The following DYRK4 variants were observed in gnomAD, a reference collection of about 807,000 sequenced individuals.
DYRK4 encodes dual specificity tyrosine phosphorylation regulated kinase 4.
DYRK4 carries 64 observed loss-of-function variants against 68.3 expected under a neutral mutation model. The observed-to-expected ratio is 0.94, with a 90% confidence interval of 0.77 to 1.15. The LOEUF is 1.15. Among genes scored for constraint, DYRK4 ranks in the 50% most tolerant of loss-of-function variants. DYRK4 has a pLI of 0.00. For synonymous variants in DYRK4, 274 were observed against 289.9 expected (o/e 0.95, Z 0.56); for missense variants, 740 against 764.7 (o/e 0.97, Z 0.38).
chr12:4,585,033 G>A (rs991800530), intron 2 of DYRK4, among the ~76,000 whole-genome samples: 2 of 152,150 alleles, frequency 1.3e-5, no homozygotes, highest in Non-Finnish European at 2.9e-5. Context: ...CCTGGGTCAG[G>A]ACTTGAGACT....
In DYRK4 at chr12:4,613,821, C is replaced by T. The variant is rs1945258847; in HGVS notation, c.*68C>T. 6.4e-6 allele frequency: 9 copies of T among 1,401,430 alleles called. No homozygotes were observed. The highest frequency in any genetic ancestry group is 2.4e-5 in the East Asian group (1 of 41,298). The allele number at this position is 1,401,430 out of a possible 1,614,324, so 86.8% of individuals were successfully genotyped here. A position where few individuals can be genotyped will look rare whatever the true frequency, so the allele number is the denominator to read the frequency against. On this transcript the variant is annotated 3_prime_UTR_variant, in exon 15 of 15. Coordinates refer to ENST00000543431, the MANE Select transcript of DYRK4 (RefSeq NM_001394779.1). The surrounding 1 kb of genome is among the most constrained non-coding windows in gnomAD (Gnocchi z 4.0). ...GTATTAAGACAGCACTTATATTGTA[C>T]AATACTTCAGACTGTTTTTTTTAAA... is the stretch of plus-strand genomic sequence containing the variant.
rs761579374 is a variant in DYRK4, at chr12:4,613,722, A to G, written c.1874A>G (p.Lys625Arg). ...SPGQSKNFSLKNTNVLPPIV is the reference protein window; with the variant it reads ...SPGQSKNFSLRNTNVLPPIV ...GGACAGAGCAAAAACTTCTCCCTCAAGAACACAAACGTTTTACCCCCTATT... is the reference window on the plus strand; with the variant it reads ...GGACAGAGCAAAAACTTCTCCCTCAGGAACACAAACGTTTTACCCCCTATT... Residue 625 changes from lysine (K) to arginine (R), a missense_variant, in exon 15 of 15, where the codon AAG becomes AGG. Physicochemically the swap from Lys to Arg is conservative, Grantham distance 26. This residue lies in a region of DYRK4 where 614 missense variants were observed against 603.7 expected (regional missense o/e 1.02). Coordinates refer to ENST00000543431, the MANE Select transcript of DYRK4 (RefSeq NM_001394779.1). The surrounding 1 kb of genome is among the most constrained non-coding windows in gnomAD (Gnocchi z 4.0). 4.4e-6 allele frequency: 7 copies of G among 1,580,270 alleles called. No individual in the cohort carries two copies. Among genetic ancestry groups the G allele is most frequent in the Non-Finnish European group, 5.2e-6 (6 of 1,155,684 alleles).
intron 13 of DYRK4, among the ~76,000 whole-genome samples, chr12:4,611,250 A>G (rs893728544): frequency 6.6e-6 from 1 of 152,346 alleles, no homozygotes; most frequent in Admixed American, 6.5e-5. Context: ...GTAGGGGGTC[A>G]TGCTATTCAC....
In DYRK4 at chr12:4,591,450, A is replaced by T. The variant is rs752771384; in HGVS notation, c.463+152A>T. On this transcript the variant is annotated intron_variant, in intron 5 of 14. Transcript: ENST00000543431. This position sits in a 1 kb window ranked among gnomAD's most constrained non-coding sequence, Gnocchi z 4.1. ...GAGGAAAGTAGAAGTTAAGCGTTGA[A>T]CCTCTGACTGTGGTAGTATAAGCAA... The T allele has an allele frequency of 1.1e-4, 126 of 1,101,296 alleles. No individual in the cohort carries two copies. The highest frequency in any genetic ancestry group is 3.2e-4 in the Admixed American group (11 of 34,826). 68.2% of individuals were successfully genotyped at this position (1,101,296 alleles called of 1,614,324 possible).
chr12:4,590,370 G>A lies in DYRK4; in HGVS notation c.254G>A (p.Gly85Glu). ...TCACTCCCCTTTGTGGACACCAAGGGGAAGAAGAATACGGTAAGCTTCCCA... is the reference window on the plus strand; with the variant it reads ...TCACTCCCCTTTGTGGACACCAAGGAGAAGAAGAATACGGTAAGCTTCCCA... ...VTSLPFVDTK[G>E]KKNTVSFPHI... The change falls in exon 4 of 15, where the codon GGG becomes GAG. Residue 85 changes from glycine to glutamate, a missense_variant. By Grantham distance (98) the Gly-to-Glu change is moderately conservative (BLOSUM62 -2). Coordinates refer to ENST00000543431, the MANE Select transcript of DYRK4 (RefSeq NM_001394779.1). The A allele has an allele frequency of 6.5e-7, 1 of 1,535,720 alleles. No homozygotes were observed. Among genetic ancestry groups the A allele is most frequent in the Non-Finnish European group, 8.7e-7 (1 of 1,146,776 alleles).
chr12:4,600,102 A>G (rs1565540426), intron 10 of DYRK4, among the ~76,000 whole-genome samples: 1 of 152,150 alleles, frequency 6.6e-6, no homozygotes, highest in Admixed American at 6.5e-5. Flanking sequence ...GTTTGTTCCT[A>G]ATTCAAATTT....
At chr12:4,604,522 C>T (rs1409195367) in intron 10 of DYRK4, among the ~76,000 whole-genome samples, 1 of 152,226 alleles carries the variant, frequency 6.6e-6, no homozygotes, top group Non-Finnish European at 1.5e-5. Flanking sequence ...TTGATATGCT[C>T]CCTTTCTAAC....
chr12:4,599,191 T>C, intron 9 of DYRK4, 25 bp downstream of exon 9: 1 of 1,610,760 alleles, frequency 6.2e-7, no homozygotes, highest in Non-Finnish European at 8.5e-7. Context: ...CGTCCTGCCA[T>C]GGACACACTC....
intron 2 of DYRK4, among the ~76,000 whole-genome samples, chr12:4,586,482 G>A (rs557183451): frequency 7.4e-4 from 113 of 152,230 alleles, no homozygotes; most frequent in Non-Finnish European, 1.1e-3. Context: ...GAGCACACCC[G>A]CTTCCTTTTG....
chr12:4,613,311 C>T lies in DYRK4; in HGVS notation c.1667-204C>T, dbSNP rs549174119. ...TGAGAATGAGAATAAAGCCTGTTCT[C>T]CAGGGTCGCTGAAATGATCAGACGA... On this transcript the variant is annotated intron_variant, in intron 14 of 14. Transcript: ENST00000543431. The surrounding 1 kb of genome is among the most constrained non-coding windows in gnomAD (Gnocchi z 4.0). Among the ~76,000 whole-genome samples, 2 of 152,324 alleles carry T rather than the reference C, an allele frequency of 1.3e-5. No individual in the cohort carries two copies. Among genetic ancestry groups the T allele is most frequent in the African/African-American group, 4.8e-5 (2 of 41,574 alleles).
chr12:4,585,778 A>G (rs553396279), intron 2 of DYRK4, among the ~76,000 whole-genome samples: 15 of 152,380 alleles, frequency 9.8e-5, no homozygotes, highest in Non-Finnish European at 1.6e-4. Flanking sequence ...AAAGTATAAT[A>G]ATAATTTTTC....
chr12:4,591,334 C>T lies in DYRK4; in HGVS notation c.463+36C>T, dbSNP rs747067376. ...GGGGCAGTAGCAGGGTGGGGAGGTG[C>T]TTATGGAAGGTCGGGGTGTTAAGAG... On this transcript the variant is annotated intron_variant, in intron 5 of 14. Transcript: ENST00000543431. This position sits in a 1 kb window ranked among gnomAD's most constrained non-coding sequence, Gnocchi z 4.1. 2 of 1,608,176 alleles carry T rather than the reference C, an allele frequency of 1.2e-6. No homozygotes were observed. The highest frequency in any genetic ancestry group is 1.1e-5 in the South Asian group (1 of 90,100).
chr12:4,606,588 G>A (rs1363285878), intron 11 of DYRK4, among the ~76,000 whole-genome samples: 1 of 152,126 alleles, frequency 6.6e-6, no homozygotes, highest in Non-Finnish European at 1.5e-5. Context: ...TAAAATGAGG[G>A]GAGCAGAGAA....
In DYRK4 at chr12:4,613,087, G is replaced by A. The variant is rs961470297; in HGVS notation, c.1666+369G>A. Among the ~76,000 whole-genome samples, 1 of 151,744 alleles carries A rather than the reference G, an allele frequency of 6.6e-6. No homozygotes were observed. The highest frequency in any genetic ancestry group is 1.5e-5 in the Non-Finnish European group (1 of 67,976). ...TCCTCCTCCCTTTTTCATTAACTGC[G>A]TCCACCCCTTTATGCCCTATAATTA... On this transcript the variant is annotated intron_variant, in intron 14 of 14. Transcript: ENST00000543431. This position sits in a 1 kb window ranked among gnomAD's most constrained non-coding sequence, Gnocchi z 4.0.
At chr12:4,572,946 A>G (rs1944747455) in intron 2 of DYRK4, 2 of 240,740 alleles carry the variant, frequency 8.3e-6, no homozygotes, top group South Asian at 9.9e-5. Context: ...TCTCATCAGC[A>G]CTTCCTATAC....
Position 4,599,749 on chromosome 12 carries a change from G to C in DYRK4, c.1087G>C (p.Val363Leu). The change falls in exon 10 of 15, where the codon GTC becomes CTC. Residue 363 changes from valine (V) to leucine (L), a missense_variant. By Grantham distance (32) the Val-to-Leu change is conservative. This residue lies in a region of DYRK4 where 614 missense variants were observed against 603.7 expected (regional missense o/e 1.02). Transcript: ENST00000543431. ...CCAAAAGGGCCAAGCCTCTGTTAAA[G>C]TCATTGACTTTGGATCAAGCTGTTA... ...LYQKGQASVKVIDFGSSCYEH... is the reference protein window; with the variant it reads ...LYQKGQASVKLIDFGSSCYEH... 1 of 1,614,154 alleles carries C rather than the reference G, an allele frequency of 6.2e-7. No homozygotes were observed. Among genetic ancestry groups the C allele is most frequent in the Non-Finnish European group, 8.5e-7 (1 of 1,179,996 alleles).
intron 10 of DYRK4, chr12:4,603,485 C>T (rs1480301120): frequency 1.5e-5 from 4 of 275,100 alleles, no homozygotes; most frequent in Non-Finnish European, 2.1e-5. Flanking sequence ...CCTCTGTTTC[C>T]CTCCTGTCTG....
At position 4,591,460 on chromosome 12, in the gene DYRK4, G is replaced by A; in HGVS notation, c.463+162G>A. On this transcript the variant is annotated intron_variant, in intron 5 of 14. Transcript: ENST00000543431. This position sits in a 1 kb window ranked among gnomAD's most constrained non-coding sequence, Gnocchi z 4.1. ...GAAGTTAAGCGTTGAACCTCTGACT[G>A]TGGTAGTATAAGCAAGAGGCTGAAT... 9.7e-7 allele frequency: 1 copy of A among 1,027,932 alleles called. No individual in the cohort carries two copies. The highest frequency in any genetic ancestry group is 1.4e-6 in the Non-Finnish European group (1 of 727,984). The allele number at this position is 1,027,932 out of a possible 1,614,324, so 63.7% of individuals were successfully genotyped here. A position where few individuals can be genotyped will look rare whatever the true frequency, so the allele number is the denominator to read the frequency against.
In DYRK4 at chr12:4,612,637, A is replaced by G; in HGVS notation, c.1585A>G (p.Thr529Ala). Residue 529 changes from threonine (T) to alanine (A), a missense_variant, in exon 14 of 15, where the codon ACC becomes GCC. By Grantham distance (58) the Thr-to-Ala change is moderately conservative. This residue lies in a region of DYRK4 where 614 missense variants were observed against 603.7 expected (regional missense o/e 1.02). Coordinates refer to ENST00000543431, the MANE Select transcript of DYRK4 (RefSeq NM_001394779.1). ...RNLKPQPRPQ[T>A]LRKSNSFFPS... ...CCTCAAGCCACAGCCCAGGCCCCAG[A>G]CCCTGAGGAAATCCAATTCCTTTTT... is the stretch of plus-strand genomic sequence containing the variant. 1 of 1,614,188 alleles carries G rather than the reference A, an allele frequency of 6.2e-7. No homozygotes were observed. The highest frequency in any genetic ancestry group is 8.5e-7 in the Non-Finnish European group (1 of 1,180,036).
Sources: allele counts gnomAD v4.1 joint callset (sites outside exome capture counted in the v4.1 genomes callset), GRCh38; gene constraint gnomAD v4.1.1; regional missense constraint gnomAD v4.1.1; non-coding constraint Gnocchi (gnomAD v3.1); transcripts MANE v1.5; gene names NCBI Gene and HGNC (gene_info 2026-07-23, HGNC 2026-07-21).